The following WDR41 variants were observed in gnomAD, a reference collection of about 807,000 sequenced individuals.
The protein encoded by WDR41 is WD repeat-containing protein 41.
A neutral mutation model predicts 69.3 loss-of-function variants in WDR41; 63 were observed. The ratio of observed to expected loss-of-function variants is 0.91; its 90% CI spans 0.74 to 1.12. The LOEUF (loss-of-function observed/expected upper bound fraction) is 1.12. Among genes scored for constraint, WDR41 ranks in the 50% most tolerant of loss-of-function variants. The probability of loss-of-function intolerance (pLI) is 0.00; values close to 1 mark genes in which losing one functional copy is unlikely to be tolerated. For missense variants in WDR41, 543 were observed against 534.5 expected, an observed-to-expected ratio of 1.02 and a Z score of -0.16; for synonymous variants, 185 against 192.1, an observed-to-expected ratio of 0.96 and a Z score of 0.31.
chr5:77,448,912 C>T (rs1799512007), intron 8 of WDR41, among the ~76,000 whole-genome samples: 2 of 150,776 alleles, frequency 1.3e-5, no homozygotes, highest in South Asian at 4.2e-4. Flanking sequence ...AAAAACAAAG[C>T]CAAGCCAGGC....
At chr5:77,515,835 GTAAA>G (rs1802283547) in intron 1 of WDR41, among the ~76,000 whole-genome samples, 1 of 152,100 alleles carries the variant, frequency 6.6e-6, no homozygotes, top group Non-Finnish European at 1.5e-5. Context: ...TTTTGAATGA[GTAAA>G]TAAATAACCC....
chr5:77,606,392 G>A (rs1744418961), intron 1 of WDR41, among the ~76,000 whole-genome samples: 1 of 152,174 alleles, frequency 6.6e-6, no homozygotes, highest in African/African-American at 2.4e-5. Context: ...AGAAAGTTGG[G>A]AAAATAGAGT....
intron 1 of WDR41, among the ~76,000 whole-genome samples, chr5:77,504,767 C>G (rs1443813471): frequency 6.6e-6 from 1 of 152,126 alleles, no homozygotes; most frequent in African/African-American, 2.4e-5. Context: ...GAACCAACAA[C>G]AAAAACCACA....
intron 1 of WDR41, among the ~76,000 whole-genome samples, chr5:77,590,230 A>C (rs1308324593): frequency 1.3e-5 from 2 of 152,212 alleles, no homozygotes; most frequent in Non-Finnish European, 2.9e-5. Flanking sequence ...TAGATTTGCT[A>C]ATATTTTAAT....
chr5:77,524,307 G>A (rs1802414217), intron 1 of WDR41, among the ~76,000 whole-genome samples: 1 of 152,150 alleles, frequency 6.6e-6, no homozygotes, highest in Admixed American at 6.5e-5. Flanking sequence ...AATAAATCAG[G>A]CCAAGTGCGG....
intron 1 of WDR41, among the ~76,000 whole-genome samples, chr5:77,604,961 T>A (rs13162744): frequency 0.091 from 13,774 of 152,122 alleles, 883 homozygotes; most frequent in East Asian, 0.25. Context: ...ATGCATTTTT[T>A]AAAAATCTCT....
At chr5:77,617,806 G>T (rs1356489878) in intron 1 of WDR41, among the ~76,000 whole-genome samples, 1 of 152,098 alleles carries the variant, frequency 6.6e-6, no homozygotes. Context: ...ATAAACAAAG[G>T]TTGAAAGGCA....
At chr5:77,594,744 A>G (rs1188173401) in intron 1 of WDR41, among the ~76,000 whole-genome samples, 2 of 152,302 alleles carry the variant, frequency 1.3e-5, no homozygotes, top group South Asian at 2.1e-4. Flanking sequence ...GCTACAGGGG[A>G]AAAAAAGCTG....
intron 1 of WDR41, chr5:77,545,799 G>A: frequency 9.8e-7 from 1 of 1,023,004 alleles, no homozygotes; most frequent in Non-Finnish European, 1.4e-6. Flanking sequence ...CGGTCTGGGT[G>A]TTAAGTGCTC....
intron 1 of WDR41, among the ~76,000 whole-genome samples, chr5:77,552,420 T>C (rs1743316331): frequency 6.6e-6 from 1 of 152,204 alleles, no homozygotes; most frequent in African/African-American, 2.4e-5. Context: ...ATATATCATG[T>C]TTATGAACTG....
intron 1 of WDR41, among the ~76,000 whole-genome samples, chr5:77,511,337 A>C (rs888300160): frequency 6.6e-6 from 1 of 152,168 alleles, no homozygotes; most frequent in Non-Finnish European, 1.5e-5. Context: ...CATTCCTACT[A>C]ATGAGTTTGT....
Position 77,431,946 on chromosome 5 carries a change from T to C in WDR41, c.*1189A>G, listed in dbSNP as rs1158544240. ...CTTGGTGATACTGGGCACTACAGAT[T>C]TAATTGCAAGGCCTTACTGCACTGG... On this transcript the variant is annotated 3_prime_UTR_variant, in exon 13 of 13. Transcript: ENST00000296679. The C allele has an allele frequency of 1.3e-5, 2 of 152,176 alleles. No homozygotes were observed. Among genetic ancestry groups the C allele is most frequent in the African/African-American group, 4.8e-5 (2 of 41,434 alleles). The allele number at this position is 152,176 out of a possible 1,614,324, so 9.4% of individuals were successfully genotyped here. A position where few individuals can be genotyped will look rare whatever the true frequency, so the allele number is the denominator to read the frequency against.
intron 1 of WDR41, among the ~76,000 whole-genome samples, chr5:77,537,023 A>G (rs1405131543): frequency 6.6e-6 from 1 of 152,232 alleles, no homozygotes; most frequent in Non-Finnish European, 1.5e-5. Context: ...GCTTACATGC[A>G]GAGGTGCTAT....
intron 1 of WDR41, among the ~76,000 whole-genome samples, chr5:77,497,460 A>G (rs1179511999): frequency 6.6e-6 from 1 of 152,228 alleles, no homozygotes; most frequent in Non-Finnish European, 1.5e-5. Context: ...CATTTCTCCA[A>G]GGAAGGTATA....
intron 1 of WDR41, among the ~76,000 whole-genome samples, chr5:77,531,582 G>A (rs923106657): frequency 3.9e-5 from 6 of 151,924 alleles, no homozygotes; most frequent in African/African-American, 1.4e-4. Flanking sequence ...AAAACAGTTG[G>A]TGGTTCCTTA....
At chr5:77,601,198 G>A (rs1470503678) in intron 1 of WDR41, among the ~76,000 whole-genome samples, 1 of 152,100 alleles carries the variant, frequency 6.6e-6, no homozygotes, top group Admixed American at 6.5e-5. Flanking sequence ...GGTGAGAATA[G>A]TACTATTGCC....
chr5:77,599,482 G>A (rs377656966), intron 1 of WDR41, among the ~76,000 whole-genome samples: 3 of 152,232 alleles, frequency 2.0e-5, no homozygotes, highest in African/African-American at 7.2e-5. Context: ...TTACAGGCAT[G>A]AGTCACCACA....
chr5:77,481,768 G>A (rs1801274966), intron 2 of WDR41, among the ~76,000 whole-genome samples: 3 of 122,498 alleles, frequency 2.4e-5, no homozygotes, highest in African/African-American at 9.7e-5. Flanking sequence ...CTGGGCGACA[G>A]AGCGAGACTC....
At chr5:77,578,021 A>G (rs1036743946) in intron 1 of WDR41, among the ~76,000 whole-genome samples, 12 of 152,246 alleles carry the variant, frequency 7.9e-5, no homozygotes, top group African/African-American at 2.9e-4. Context: ...AATGAAAAAC[A>G]GAATGGCTCA....
Sources: allele counts gnomAD v4.1 joint callset (sites outside exome capture counted in the v4.1 genomes callset), GRCh38; gene constraint gnomAD v4.1.1; transcripts MANE v1.5; gene names NCBI Gene and HGNC (gene_info 2026-07-23, HGNC 2026-07-21).